FAM169A: variants seen among roughly 807,000 people sequenced by gnomAD.
FAM169A encodes the protein soluble lamin-associated protein of 75 kDa.
FAM169A carries 24 observed loss-of-function variants against 75.7 expected under a neutral mutation model. The ratio of observed to expected loss-of-function variants is 0.32; its 90% CI spans 0.23 to 0.45. FAM169A has a LOEUF of 0.45. Among genes scored for constraint, FAM169A ranks in the 20% least tolerant of loss-of-function variants. The probability of loss-of-function intolerance (pLI) is 1.00; values close to 1 mark genes in which losing one functional copy is unlikely to be tolerated. For synonymous variants in FAM169A, 271 were observed against 271.0 expected (o/e 1.00, Z 0.00); for missense variants, 673 against 784.0 (o/e 0.86, Z 1.69).
At chr5:74,785,020 CT>C (rs1409180911) in intron 11 of FAM169A, among the ~76,000 whole-genome samples, 8 of 151,032 alleles carry the variant, frequency 5.3e-5, no homozygotes, top group Non-Finnish European at 8.9e-5. Flanking sequence ...ATAATCTTAA[CT>C]TTTTAAAAGT....
intron 11 of FAM169A, among the ~76,000 whole-genome samples, chr5:74,790,887 T>A (rs1279523922): frequency 6.6e-6 from 1 of 152,174 alleles, no homozygotes; most frequent in Non-Finnish European, 1.5e-5. Context: ...ACCTCTTCTA[T>A]CATGGAAAGA....
chr5:74,799,599 C>T, intron 10 of FAM169A: 1 of 1,464,894 alleles, frequency 6.8e-7, no homozygotes, highest in Non-Finnish European at 9.6e-7. Context: ...GTGGCGGTGG[C>T]ACTGGTGGCT....
chr5:74,863,889 C>A (rs979485431), intron 1 of FAM169A, among the ~76,000 whole-genome samples: 5 of 151,976 alleles, frequency 3.3e-5, no homozygotes, highest in Non-Finnish European at 7.4e-5. Context: ...AAAAAAAAAT[C>A]TCATTCCCCA....
intron 6 of FAM169A, 112 bp downstream of exon 6, chr5:74,813,728 T>C: frequency 2.8e-6 from 2 of 724,730 alleles, no homozygotes; most frequent in Non-Finnish European, 4.1e-6. Flanking sequence ...CTAGAGAGCC[T>C]AAGGTTCCAA....
intron 11 of FAM169A, 64 bp downstream of exon 11, chr5:74,795,964 CAT>C (rs1160843906): frequency 1.1e-5 from 16 of 1,499,436 alleles, no homozygotes; most frequent in African/African-American, 9.7e-5. Flanking sequence ...TTTCTAACAA[CAT>C]GTGATTAAGA....
Position 74,804,499 on chromosome 5 carries a change from C to G in FAM169A, c.906G>C (p.Gln302His), listed in dbSNP as rs767774805. The change falls in exon 8 of 13, where the codon CAG becomes CAC. Residue 302 changes from glutamine (Q) to histidine (H), a missense_variant. Physicochemically the swap from Gln to His is conservative, Grantham distance 24. Coordinates refer to ENST00000687041, the MANE Select transcript of FAM169A (RefSeq NM_001376049.1). ...ATATAGACAGTGTACCTACAGTTAG[C>G]TGCATCTCACTAGACTGATTGTCTT... Reference protein sequence around the residue: ...RTEDNQSSEMQLTIDSLKDAF... With the variant: ...RTEDNQSSEMHLTIDSLKDAF... 7.7e-6 allele frequency: 12 copies of G among 1,564,370 alleles called. No individual in the cohort carries two copies. The highest frequency in any genetic ancestry group is 3.5e-5 in the South Asian group (3 of 85,874).
chr5:74,795,423 G>T (rs1052878796), intron 11 of FAM169A, among the ~76,000 whole-genome samples: 39 of 152,158 alleles, frequency 2.6e-4, no homozygotes, highest in South Asian at 4.1e-4. Context: ...AGAGAAAAAT[G>T]GAAATGGATA....
intron 1 of FAM169A, among the ~76,000 whole-genome samples, chr5:74,856,504 G>T (rs1393589557): frequency 6.6e-6 from 1 of 151,612 alleles, no homozygotes; most frequent in Non-Finnish European, 1.5e-5. Flanking sequence ...TTACTTCCTT[G>T]GTTAAGTTTA....
chr5:74,848,478 T>A (rs1358851109), intron 1 of FAM169A, among the ~76,000 whole-genome samples: 1 of 152,216 alleles, frequency 6.6e-6, no homozygotes, highest in Non-Finnish European at 1.5e-5. Context: ...CATGGTTACA[T>A]AACATTTTCT....
Position 74,834,412 on chromosome 5 carries a change from T to G in FAM169A, c.490+14A>C, listed in dbSNP as rs776292925. On this transcript the variant is annotated intron_variant, in intron 5 of 12. Coordinates refer to ENST00000687041, the MANE Select transcript of FAM169A (RefSeq NM_001376049.1). ...TTCCATAATACACAGTTTAAATAACTTTTAAAGACTCACCTGTAGGCTTAA... is the reference window on the plus strand; with the variant it reads ...TTCCATAATACACAGTTTAAATAACGTTTAAAGACTCACCTGTAGGCTTAA... 17 of 1,424,882 alleles carry G rather than the reference T, an allele frequency of 1.2e-5. No individual in the cohort carries two copies. The South Asian group carries it at 2.9e-4, about 24-fold the overall frequency. 88.3% of individuals were successfully genotyped at this position (1,424,882 alleles called of 1,614,324 possible). A position where few individuals can be genotyped will look rare whatever the true frequency, so the allele number is the denominator to read the frequency against.
chr5:74,844,877 TA>T lies in FAM169A; in HGVS notation c.-3-3199del, dbSNP rs1749070614. Among the ~76,000 whole-genome samples, 3 of 152,198 alleles carry T rather than the reference TA, an allele frequency of 2.0e-5. 1 individual carries two copies. The highest frequency in any genetic ancestry group is 2.0e-4 in the Admixed American group (3 of 15,270). On this transcript the variant is annotated intron_variant, in intron 1 of 12. Transcript: ENST00000687041. ...AATCAAATACTAAGCTATTAGTTCT[TA>T]AAGGAAGTATAAAGTTAGTATAGAA...
chr5:74,828,500 TC>T, intron 5 of FAM169A, among the ~76,000 whole-genome samples: 2 of 152,258 alleles, frequency 1.3e-5, no homozygotes, highest in East Asian at 3.9e-4. Flanking sequence ...CCTGAAAGTC[TC>T]CATGTGCCCC....
At chr5:74,849,312 T>C (rs557342457) in intron 1 of FAM169A, among the ~76,000 whole-genome samples, 1 of 152,092 alleles carries the variant, frequency 6.6e-6, no homozygotes, top group Admixed American at 6.6e-5. Flanking sequence ...ATTATTGTGA[T>C]TTTTTCCCTA....
chr5:74,799,084 G>T (rs1046735876), intron 10 of FAM169A: 1 of 986,142 alleles, frequency 1.0e-6, no homozygotes, highest in Admixed American at 1.7e-5. Context: ...CAATAATCAC[G>T]AAGTGCACAT....
intron 1 of FAM169A, among the ~76,000 whole-genome samples, chr5:74,862,739 A>C (rs1396894011): frequency 6.6e-6 from 1 of 152,250 alleles, no homozygotes; most frequent in African/African-American, 2.4e-5. Context: ...AGTTACAAAT[A>C]AAGTGTGACA....
rs150295381 is a variant in FAM169A, at chr5:74,778,625, T to C, written c.*2835A>G. ...AAAAATCATAATAGACCCTCTCACC[T>C]TTAAAAGTTGTAGAGGAGCTTTATA... On this transcript the variant is annotated 3_prime_UTR_variant, in exon 13 of 13. Coordinates refer to ENST00000687041, the MANE Select transcript of FAM169A (RefSeq NM_001376049.1). 32 of 152,206 alleles carry C rather than the reference T, an allele frequency of 2.1e-4. No individual in the cohort carries two copies. In the East Asian group the frequency reaches 6.2e-3, roughly 29 times the overall value. 9.4% of individuals were successfully genotyped at this position (152,206 alleles called of 1,614,324 possible).
chr5:74,792,026 ACAT>A (rs1366221753), intron 11 of FAM169A, among the ~76,000 whole-genome samples: 2 of 152,206 alleles, frequency 1.3e-5, no homozygotes, highest in Admixed American at 6.5e-5. Context: ...AGATTTATTG[ACAT>A]CATATCAGCA....
chr5:74,857,108 CAAAA>C (rs772315121), intron 1 of FAM169A, among the ~76,000 whole-genome samples: 2 of 67,908 alleles, frequency 2.9e-5, no homozygotes, highest in Non-Finnish European at 2.8e-5. Context: ...GACTCCACCT[CAAAA>C]AAAAAAAAAA....
intron 8 of FAM169A, among the ~76,000 whole-genome samples, chr5:74,802,384 A>T (rs1043672335): frequency 1.3e-5 from 2 of 151,724 alleles, no homozygotes; most frequent in Non-Finnish European, 2.9e-5. Context: ...CATTTTTTTG[A>T]TAAAAAAAAA....
Sources: allele counts gnomAD v4.1 joint callset (sites outside exome capture counted in the v4.1 genomes callset), GRCh38; gene constraint gnomAD v4.1.1; transcripts MANE v1.5; gene names NCBI Gene and HGNC (gene_info 2026-07-23, HGNC 2026-07-21).